The following IL17RA variants were observed in gnomAD, a reference collection of about 807,000 sequenced individuals.
The protein encoded by IL17RA is interleukin-17 receptor A.
IL17RA carries 34 observed loss-of-function variants against 50.4 expected under a neutral mutation model. That is an observed-to-expected ratio of 0.67 (90% confidence interval 0.51 to 0.90). The LOEUF is 0.90. Among genes scored for constraint, IL17RA ranks in the 40% least tolerant of loss-of-function variants. The pLI, the probability that IL17RA is intolerant of heterozygous loss-of-function variation, is 0.00. For synonymous variants in IL17RA, 585 were observed against 510.4 expected, an observed-to-expected ratio of 1.15 and a Z score of -1.97; for missense variants, 1,276 against 1,169.8, an observed-to-expected ratio of 1.09 and a Z score of -1.32.
rs2061432843 is a variant in IL17RA at position 17,109,758 on chromosome 22, C to T, written c.2539C>T (p.Gln847Ter). 1 of 1,556,326 alleles carries T rather than the reference C, an allele frequency of 6.4e-7. No homozygotes were observed. The highest frequency in any genetic ancestry group is 1.9e-5 in the Admixed American group (1 of 51,356). ...RSLQRQLLFR[Q>*]LQKNSGWDTM... is the part of the protein sequence containing the mutation. ...CCTCCAGCGGCAGCTGCTTTTCCGC[C>T]AGCTGCAGAAGAACTCGGGCTGGGA... is the stretch of plus-strand genomic sequence containing the variant. The change falls in exon 13 of 13, where the codon CAG becomes TAG. Residue 847 changes from glutamine to a stop codon, truncating the protein, a stop_gained. Transcript: ENST00000319363. LOFTEE classifies it high-confidence loss of function.
rs1022956220 is a variant in IL17RA at position 17,113,971 on chromosome 22, T to G, written c.*4151T>G. ...CCCCTGAGGTACCACTGATCCTCTTTCCCTGCTATTAGGTATTGCTCTCTT... is the reference window on the plus strand; with the variant it reads ...CCCCTGAGGTACCACTGATCCTCTTGCCCTGCTATTAGGTATTGCTCTCTT... On this transcript the variant is annotated 3_prime_UTR_variant, in exon 13 of 13. Coordinates refer to ENST00000319363, the MANE Select transcript of IL17RA (RefSeq NM_014339.7). The G allele has an allele frequency of 2.0e-5, 3 of 152,212 alleles. No homozygotes were observed. The highest frequency in any genetic ancestry group is 7.2e-5 in the African/African-American group (3 of 41,430). The allele number at this position is 152,212 out of a possible 1,614,324, so 9.4% of individuals were successfully genotyped here.
intron 1 of IL17RA, among the ~76,000 whole-genome samples, chr22:17,086,058 G>T (rs1483875583): frequency 1.3e-5 from 2 of 152,146 alleles, no homozygotes; most frequent in African/African-American, 2.4e-5. Flanking sequence ...CTGTCAAGTC[G>T]TAGCCCCGCT....
chr22:17,109,635 G>A lies in IL17RA; in HGVS notation c.2416G>A (p.Glu806Lys), dbSNP rs765340113. The A allele has an allele frequency of 8.7e-6, 14 of 1,608,376 alleles. No individual in the cohort carries two copies. The highest frequency in any genetic ancestry group is 7.8e-5 in the South Asian group (7 of 90,214). Residue 806 changes from glutamate (E) to lysine (K), a missense_variant, in exon 13 of 13, where the codon GAG becomes AAG. Physicochemically the swap from Glu to Lys is moderately conservative, Grantham distance 56 (BLOSUM62 1). Coordinates refer to ENST00000319363, the MANE Select transcript of IL17RA (RefSeq NM_014339.7). ...YISRSSPQPPEGLTEMEEEEE... is the reference protein window; with the variant it reads ...YISRSSPQPPKGLTEMEEEEE... The stretch of plus-strand genomic sequence containing the variant: ...CTCCAGGAGCTCCCCGCAGCCCCCC[G>A]AGGGACTCACGGAAATGGAGGAAGA...
At position 17,108,921 on chromosome 22, in the gene IL17RA, C is replaced by A. The variant is rs770556877; in HGVS notation, c.1702C>A (p.Arg568Ser). ...GCGGAGCCCGGGCGGCAGGCAGCTC[C>A]GCGCCGCCCTGGACAGGTTCCGGGA... The part of the protein sequence containing the change: ...YLRSPGGRQL[R>S]AALDRFRDWQ... The change falls in exon 13 of 13, where the codon CGC (arginine) becomes AGC (serine). Residue 568 changes from arginine (R) to serine (S), a missense_variant. By Grantham distance (110) the Arg-to-Ser change is moderately radical. Coordinates refer to ENST00000319363, the MANE Select transcript of IL17RA (RefSeq NM_014339.7). The A allele has an allele frequency of 1.2e-6, 2 of 1,611,352 alleles. No homozygotes were observed. The highest frequency in any genetic ancestry group is 2.7e-5 in the African/African-American group (2 of 74,844).
At chr22:17,094,671 C>CTATATATATATATATATGTA (rs1568917407) in intron 1 of IL17RA, among the ~76,000 whole-genome samples, 1 of 40,764 alleles carries the variant, frequency 2.5e-5, no homozygotes, top group Non-Finnish European at 5.0e-5. Flanking sequence ...CTCTCTCTCT[C>CTATATATATATATATATGTA]TCTCTCTCTC....
intron 1 of IL17RA, among the ~76,000 whole-genome samples, chr22:17,086,007 G>A (rs574280451): frequency 1.3e-5 from 2 of 152,320 alleles, no homozygotes; most frequent in East Asian, 1.9e-4. Flanking sequence ...CTGGGTCTGG[G>A]AACCCGGTGA....
chr22:17,099,480 C>A (rs1485958178), intron 4 of IL17RA, among the ~76,000 whole-genome samples: 2 of 152,112 alleles, frequency 1.3e-5, no homozygotes, highest in African/African-American at 4.8e-5. Context: ...TTGGCCCCAC[C>A]CCAGACTTCC....
At chr22:17,088,740 G>A (rs1218526604) in intron 1 of IL17RA, among the ~76,000 whole-genome samples, 8 of 151,930 alleles carry the variant, frequency 5.3e-5, no homozygotes, top group Non-Finnish European at 7.4e-5. Flanking sequence ...TGCCCACCTC[G>A]GCCTCCCAAA....
At chr22:17,095,532 C>T (rs1385164855) in intron 1 of IL17RA, among the ~76,000 whole-genome samples, 2 of 152,178 alleles carry the variant, frequency 1.3e-5, no homozygotes, top group African/African-American at 2.4e-5. Flanking sequence ...TAGGAAGTTA[C>T]TCCAAATGAT....
In IL17RA at chr22:17,108,897, C is replaced by G. The variant is rs767655587; in HGVS notation, c.1678C>G (p.Arg560Gly). 1.9e-6 allele frequency: 3 copies of G among 1,611,048 alleles called. No homozygotes were observed. The highest frequency in any genetic ancestry group is 1.7e-4 in the Middle Eastern group (1 of 6,058). ...GGAGCTGTCGGGGGACAACTACCTGCGGAGCCCGGGCGGCAGGCAGCTCCG... is the reference window on the plus strand; with the variant it reads ...GGAGCTGTCGGGGGACAACTACCTGGGGAGCCCGGGCGGCAGGCAGCTCCG... The part of the protein sequence containing the change: ...VGELSGDNYL[R>G]SPGGRQLRAA... The change falls in exon 13 of 13, where the codon CGG becomes GGG. Residue 560 changes from arginine (R) to glycine (G), a missense_variant. By Grantham distance (125) the Arg-to-Gly change is moderately radical. Transcript: ENST00000319363.
In IL17RA at chr22:17,097,780, T is replaced by A; in HGVS notation, c.164-17T>A. 6.2e-7 allele frequency: 1 copy of A among 1,614,010 alleles called. No individual in the cohort carries two copies. Among genetic ancestry groups the A allele is most frequent in the South Asian group, 1.1e-5 (1 of 91,090 alleles). On this transcript the variant is annotated splice_polypyrimidine_tract_variant and intron_variant, in intron 2 of 12. Transcript: ENST00000319363. ...TCGGCTATAAGTCTCTGAATGTTGCTTTTCCCTGGCTGCCAGGTACCTGCC... is the reference window on the plus strand; with the variant it reads ...TCGGCTATAAGTCTCTGAATGTTGCATTTCCCTGGCTGCCAGGTACCTGCC...
intron 12 of IL17RA, 88 bp from the exon 13 acceptor site, chr22:17,108,219 C>G: frequency 7.2e-7 from 1 of 1,382,594 alleles, no homozygotes. Context: ...AGCTCTGTGT[C>G]CTGGTCCAGG....
chr22:17,105,830 TCAC>T lies in IL17RA; in HGVS notation c.944-22_944-20del, dbSNP rs2123807755. The T allele has an allele frequency of 2.2e-6, 3 of 1,347,548 alleles. No individual in the cohort carries two copies. The highest frequency in any genetic ancestry group is 2.7e-5 in the East Asian group (1 of 37,420). The allele number at this position is 1,347,548 out of a possible 1,614,324, so 83.5% of individuals were successfully genotyped here. A position where few individuals can be genotyped will look rare whatever the true frequency, so the allele number is the denominator to read the frequency against. On this transcript the variant is annotated intron_variant, in intron 10 of 12. Transcript: ENST00000319363. ...GGCAGGGCAGGCCCCGCCGCATCAC[TCAC>T]GCTGTTCTGCTCACCGCAGACTACA...
rs2061431676 is a variant in IL17RA at position 17,109,597 on chromosome 22, A to G, written c.2378A>G (p.Asp793Gly). The change falls in exon 13 of 13, where the codon GAC becomes GGC. Residue 793 changes from aspartate (D) to glycine (G), a missense_variant. By Grantham distance (94) the Asp-to-Gly change is moderately conservative. Coordinates refer to ENST00000319363, the MANE Select transcript of IL17RA (RefSeq NM_014339.7). ...EEEQRQSVQSDQGYISRSSPQ... is the reference protein window; with the variant it reads ...EEEQRQSVQSGQGYISRSSPQ... ...GAGCAGCGGCAGTCAGTGCAGTCTGACCAGGGCTACATCTCCAGGAGCTCC... is the reference window on the plus strand; with the variant it reads ...GAGCAGCGGCAGTCAGTGCAGTCTGGCCAGGGCTACATCTCCAGGAGCTCC... 6.2e-7 allele frequency: 1 copy of G among 1,603,482 alleles called. No individual in the cohort carries two copies. The highest frequency in any genetic ancestry group is 8.5e-7 in the Non-Finnish European group (1 of 1,175,228).
chr22:17,109,219 C>G lies in IL17RA; in HGVS notation c.2000C>G (p.Thr667Ser), dbSNP rs748566718. The change falls in exon 13 of 13, where the codon ACC becomes AGC. Residue 667 changes from threonine (T) to serine (S), a missense_variant. Transcript: ENST00000319363. ...CAGCCAGCGCCGCAGCCCCTCCACA[C>G]CCTGGTGCTCGCCGCAGAGGAGGGG... ...RGQPAPQPLH[T>S]LVLAAEEGAL... 3.5e-5 allele frequency: 53 copies of G among 1,497,694 alleles called. No individual in the cohort carries two copies. The highest frequency in any genetic ancestry group is 3.5e-5 in the Non-Finnish European group (40 of 1,129,204). The allele number at this position is 1,497,694 out of a possible 1,614,324, so 92.8% of individuals were successfully genotyped here. A position where few individuals can be genotyped will look rare whatever the true frequency, so the allele number is the denominator to read the frequency against.
chr22:17,093,219 AG>A (rs1193314845), intron 1 of IL17RA, among the ~76,000 whole-genome samples: 5 of 152,332 alleles, frequency 3.3e-5, no homozygotes, highest in African/African-American at 1.2e-4. Context: ...TGTGTAGTTA[AG>A]GTTTATTGAA....
At chr22:17,094,671 C>CTATATATATATATATATATG (rs1568917407) in intron 1 of IL17RA, among the ~76,000 whole-genome samples, 5 of 40,764 alleles carry the variant, frequency 1.2e-4, no homozygotes, top group Non-Finnish European at 1.5e-4. Context: ...CTCTCTCTCT[C>CTATATATATATATATATATG]TCTCTCTCTC....
chr22:17,099,067 G>T (rs190397453), intron 4 of IL17RA, among the ~76,000 whole-genome samples, 180 bp downstream of exon 4: 1 of 152,174 alleles, frequency 6.6e-6, no homozygotes, highest in African/African-American at 2.4e-5. Flanking sequence ...TGTGGCCGCC[G>T]TGAGCAATAG....
intron 1 of IL17RA, among the ~76,000 whole-genome samples, chr22:17,090,604 A>G (rs1313681819): frequency 2.0e-5 from 3 of 152,142 alleles, no homozygotes; most frequent in Non-Finnish European, 2.9e-5. Context: ...ATTTCTAAAC[A>G]TGCTTATAGT....
Sources: allele counts gnomAD v4.1 joint callset (sites outside exome capture counted in the v4.1 genomes callset), GRCh38; gene constraint gnomAD v4.1.1; transcripts MANE v1.5; gene names NCBI Gene and HGNC (gene_info 2026-07-23, HGNC 2026-07-21).